The following ARL6IP5 variants were observed in gnomAD, a reference collection of about 807,000 sequenced individuals.
ARL6IP5 encodes ARF like GTPase 6 interacting protein 5.
A neutral mutation model predicts 13.0 loss-of-function variants in ARL6IP5; 6 were observed. The observed-to-expected ratio is 0.46, with a 90% CI of 0.25 to 0.91. The LOEUF is 0.91. ARL6IP5 is among the 40% of genes least tolerant of loss of function. The probability of loss-of-function intolerance (pLI) is 0.17; values close to 1 mark genes in which losing one functional copy is unlikely to be tolerated. For missense variants in ARL6IP5, 208 were observed against 248.8 expected (o/e 0.84, Z 1.10); for synonymous variants, 91 against 91.9 (o/e 0.99, Z 0.06).
chr3:69,097,028 C>G (rs2092289438), intron 1 of ARL6IP5, among the ~76,000 whole-genome samples: 1 of 151,654 alleles, frequency 6.6e-6, no homozygotes, highest in South Asian at 2.1e-4. Flanking sequence ...TTTTAAATAC[C>G]AATTTTTTTT....
intron 1 of ARL6IP5, among the ~76,000 whole-genome samples, chr3:69,093,747 G>C (rs9873964): frequency 0.61 from 90,626 of 148,674 alleles, 27,981 homozygotes; most frequent in Non-Finnish European, 0.66. Flanking sequence ...GCCGACAGAG[G>C]GAGATTCTGT....
At chr3:69,090,918 T>A (rs2092263358) in intron 1 of ARL6IP5, among the ~76,000 whole-genome samples, 1 of 152,230 alleles carries the variant, frequency 6.6e-6, no homozygotes, top group Non-Finnish European at 1.5e-5. Flanking sequence ...TTATCTAGGC[T>A]GGACATGATG....
chr3:69,094,650 T>A (rs1409392715), intron 1 of ARL6IP5, among the ~76,000 whole-genome samples: 1 of 152,198 alleles, frequency 6.6e-6, no homozygotes, highest in African/African-American at 2.4e-5. Context: ...CTGCCTGTAC[T>A]CCTCAGGAAA....
At chr3:69,091,991 A>T (rs2107511529) in intron 1 of ARL6IP5, among the ~76,000 whole-genome samples, 1 of 151,512 alleles carries the variant, frequency 6.6e-6, no homozygotes, top group African/African-American at 2.4e-5. Context: ...CAGAAAACTT[A>T]ACCCTTAATA....
Position 69,105,118 on chromosome 3 carries a change from C to G in ARL6IP5, c.*482C>G, listed in dbSNP as rs1222885709. The G allele has an allele frequency of 8.6e-6, 4 of 463,838 alleles. No individual in the cohort carries two copies. The highest frequency in any genetic ancestry group is 1.5e-5 in the Non-Finnish European group (4 of 262,428). The allele number at this position is 463,838 out of a possible 1,614,324, so 28.7% of individuals were successfully genotyped here. On this transcript the variant is annotated 3_prime_UTR_variant, in exon 3 of 3. Transcript: ENST00000273258. Reference sequence around the variant, plus strand: ...TAGTTTTTATTATTCTCTTAAAAATCAAAGATGATCTCTATCACTTTGCCA... The same window carrying G: ...TAGTTTTTATTATTCTCTTAAAAATGAAAGATGATCTCTATCACTTTGCCA...
At chr3:69,086,786 G>C (rs923274229) in intron 1 of ARL6IP5, among the ~76,000 whole-genome samples, 10 of 149,182 alleles carry the variant, frequency 6.7e-5, no homozygotes, top group African/African-American at 1.7e-4. Flanking sequence ...GCAGTGGCGT[G>C]ATCTCGTCTC....
chr3:69,092,355 G>C (rs2092270669), intron 1 of ARL6IP5, among the ~76,000 whole-genome samples: 1 of 152,198 alleles, frequency 6.6e-6, no homozygotes, highest in Non-Finnish European at 1.5e-5. Flanking sequence ...GGGGTAAATA[G>C]ACAGGAAACT....
chr3:69,094,346 C>T (rs943925762), intron 1 of ARL6IP5, among the ~76,000 whole-genome samples: 6 of 152,190 alleles, frequency 3.9e-5, no homozygotes, highest in Non-Finnish European at 8.8e-5. Flanking sequence ...CAACTCCACA[C>T]CTATATACAG....
At chr3:69,104,328 T>G (rs1008699436) in intron 2 of ARL6IP5, 136 bp from the exon 3 acceptor site, 14 of 837,930 alleles carry the variant, frequency 1.7e-5, no homozygotes, top group Non-Finnish European at 2.6e-5. Context: ...TTTGAAAGCT[T>G]GCATCAATTC....
At chr3:69,086,099 A>G (rs1298906106) in intron 1 of ARL6IP5, among the ~76,000 whole-genome samples, 1 of 152,238 alleles carries the variant, frequency 6.6e-6, no homozygotes, top group Non-Finnish European at 1.5e-5. Context: ...CTCAGACTTT[A>G]TAAAGGACTC....
At chr3:69,087,183 G>C (rs1178741215) in intron 1 of ARL6IP5, among the ~76,000 whole-genome samples, 1 of 151,890 alleles carries the variant, frequency 6.6e-6, no homozygotes, top group Non-Finnish European at 1.5e-5. Context: ...ACAAAGCCTG[G>C]CTAATTTTTT....
intron 1 of ARL6IP5, among the ~76,000 whole-genome samples, 174 bp downstream of exon 1, chr3:69,085,397 C>T (rs754663007): frequency 1.3e-5 from 2 of 152,206 alleles, no homozygotes; most frequent in Non-Finnish European, 2.9e-5. Context: ...CCGCAGTAAC[C>T]TGGGGCCCCA....
chr3:69,096,233 A>T (rs2092286629), intron 1 of ARL6IP5, among the ~76,000 whole-genome samples: 1 of 152,232 alleles, frequency 6.6e-6, no homozygotes, highest in Non-Finnish European at 1.5e-5. Context: ...CCAGTTCTAT[A>T]GAACTTCAGG....
chr3:69,102,529 G>C (rs1466926734), intron 2 of ARL6IP5, among the ~76,000 whole-genome samples: 2 of 152,142 alleles, frequency 1.3e-5, no homozygotes, highest in Non-Finnish European at 2.9e-5. Flanking sequence ...CCAAGTGCTG[G>C]GATTACAGGC....
At chr3:69,087,523 C>T (rs1338349303) in intron 1 of ARL6IP5, among the ~76,000 whole-genome samples, 1 of 151,962 alleles carries the variant, frequency 6.6e-6, no homozygotes. Context: ...GTGTGCTGCC[C>T]AGACCAGGCA....
Position 69,105,604 on chromosome 3 carries a change from G to T in ARL6IP5, c.*968G>T, listed in dbSNP as rs968089924. ...ACGTCTTTAGATGACCAAGCAAAAA[G>T]ACTTTAAAAAATGGTAATGAAAATG... On this transcript the variant is annotated 3_prime_UTR_variant, in exon 3 of 3. Transcript: ENST00000273258. The T allele has an allele frequency of 1.2e-4, 19 of 152,138 alleles. No individual in the cohort carries two copies. Among genetic ancestry groups the T allele is most frequent in the African/African-American group, 2.4e-4 (10 of 41,436 alleles). The allele number at this position is 152,138 out of a possible 1,614,324, so 9.4% of individuals were successfully genotyped here.
At chr3:69,102,688 T>C (rs761761150) in intron 2 of ARL6IP5, among the ~76,000 whole-genome samples, 1 of 152,230 alleles carries the variant, frequency 6.6e-6, no homozygotes, top group Non-Finnish European at 1.5e-5. Flanking sequence ...CTATTCTCAA[T>C]TTTTAAGTGC....
At chr3:69,103,074 C>CT (rs2092311288) in intron 2 of ARL6IP5, among the ~76,000 whole-genome samples, 2 of 152,148 alleles carry the variant, frequency 1.3e-5, no homozygotes, top group South Asian at 4.1e-4. Context: ...TTGTTTAGGG[C>CT]TTTGTTAGAT....
In ARL6IP5 at chr3:69,104,614, A is replaced by G. The variant is rs765161009; in HGVS notation, c.545A>G (p.Tyr182Cys). The change falls in exon 3 of 3, where the codon TAT becomes TGT. Residue 182 changes from tyrosine (Y) to cysteine (C), a missense_variant. Tyr to Cys is a radical substitution (Grantham distance 194). Coordinates refer to ENST00000273258, the MANE Select transcript of ARL6IP5 (RefSeq NM_006407.4). The part of the protein sequence containing the change: ...QEEGINRLTD[Y>C]ISKVKE Reference sequence around the variant, plus strand: ...GAAGGCATCAACAGACTCACTGACTATATCAGCAAAGTGAAGGAATAAACA... The same window carrying G: ...GAAGGCATCAACAGACTCACTGACTGTATCAGCAAAGTGAAGGAATAAACA... 37 of 1,613,434 alleles carry G rather than the reference A, an allele frequency of 2.3e-5. No homozygotes were observed. Among genetic ancestry groups the G allele is most frequent in the South Asian group, 4.4e-5 (4 of 91,028 alleles).
Sources: gnomAD v4.1 joint callset for allele counts (sites outside exome capture counted in the v4.1 genomes callset) on GRCh38, gnomAD v4.1.1 for gene constraint, MANE v1.5 for transcripts, NCBI Gene and HGNC (gene_info 2026-07-23, HGNC 2026-07-21) for gene names.